Variants in CYSTM1 observed in about 807,000 individuals in gnomAD.
CYSTM1 encodes cysteine rich transmembrane module containing 1, also known as cysteine-rich transmembrane module-containing protein 1.
CYSTM1 carries 4 observed loss-of-function variants against 13.1 expected under a neutral mutation model. That is an observed-to-expected ratio of 0.31 (90% CI 0.15 to 0.70). The LOEUF is 0.70. Ranked by LOEUF, CYSTM1 falls within the 30% of genes least tolerant of loss-of-function variation. CYSTM1 has a pLI of 0.72. For synonymous variants in CYSTM1, 36 were observed against 42.7 expected (o/e 0.84, Z 0.62); for missense variants, 96 against 121.6 (o/e 0.79, Z 0.99).
In CYSTM1 at chr5:140,192,683, G is replaced by C. The variant is rs1190695542; in HGVS notation, c.-20-1763G>C. Among the ~76,000 whole-genome samples, 4 of 152,182 alleles carry C rather than the reference G, an allele frequency of 2.6e-5. No homozygotes were observed. In the East Asian group the frequency reaches 7.7e-4, roughly 29 times the overall value. On this transcript the variant is annotated intron_variant, in intron 1 of 2. Transcript: ENST00000261811. ...AAGGTTCGGTGGGAGTGTGTTAAGA[G>C]AGTCTGAGCTTTTTACTGATTGAAC...
intron 2 of CYSTM1, among the ~76,000 whole-genome samples, chr5:140,203,620 T>C (rs1764256500): frequency 6.6e-6 from 1 of 152,224 alleles, no homozygotes; most frequent in South Asian, 2.1e-4. Context: ...TGCCATAGTA[T>C]CATAACTGTT....
In CYSTM1 at chr5:140,198,258, A is replaced by G. The variant is rs138973561; in HGVS notation, c.187+3606A>G. On this transcript the variant is annotated intron_variant, in intron 2 of 2. Coordinates refer to ENST00000261811, the MANE Select transcript of CYSTM1 (RefSeq NM_032412.4). ...GGTTGTTTCAGTTATCTGTTGTATA[A>G]CATATCACCCCCAACTCACTGGCTT... Among the ~76,000 whole-genome samples, 19 of 152,316 alleles carry G rather than the reference A, an allele frequency of 1.2e-4. No individual in the cohort carries two copies. In the East Asian group the frequency reaches 3.5e-3, roughly 28 times the overall value.
At chr5:140,231,575 T>C (rs1291163561) in intron 2 of CYSTM1, among the ~76,000 whole-genome samples, 7 of 152,188 alleles carry the variant, frequency 4.6e-5, no homozygotes, top group Non-Finnish European at 8.8e-5. Flanking sequence ...CATACTTCCC[T>C]GTGAAGAGAA....
chr5:140,234,341 C>A (rs1398270641), intron 2 of CYSTM1, among the ~76,000 whole-genome samples: 1 of 152,134 alleles, frequency 6.6e-6, no homozygotes, highest in Non-Finnish European at 1.5e-5. Flanking sequence ...AACCGGTTAT[C>A]TTGACTACTG....
chr5:140,208,468 G>C (rs1030050250), intron 2 of CYSTM1, among the ~76,000 whole-genome samples: 7 of 152,192 alleles, frequency 4.6e-5, no homozygotes, highest in Non-Finnish European at 8.8e-5. Flanking sequence ...GGAATAGTTA[G>C]TGGATACAAA....
At chr5:140,206,241 C>A (rs73793721) in intron 2 of CYSTM1, among the ~76,000 whole-genome samples, 4,184 of 151,332 alleles carry the variant, frequency 0.028, 197 homozygotes, top group African/African-American at 0.096. Context: ...CCCTCCCCCA[C>A]CCCATATAAT....
intron 1 of CYSTM1, among the ~76,000 whole-genome samples, chr5:140,187,080 C>T (rs751287242): frequency 1.3e-5 from 2 of 152,124 alleles, no homozygotes; most frequent in East Asian, 1.9e-4. Context: ...GAGCCGAGAT[C>T]GCACCACTGC....
intron 2 of CYSTM1, among the ~76,000 whole-genome samples, chr5:140,234,868 G>A (rs764680039): frequency 3.9e-5 from 6 of 152,158 alleles, no homozygotes; most frequent in African/African-American, 9.6e-5. Flanking sequence ...TCTTTACACC[G>A]TCATCACAGG....
intron 2 of CYSTM1, among the ~76,000 whole-genome samples, chr5:140,205,165 A>G (rs1764284017): frequency 6.6e-6 from 1 of 152,122 alleles, no homozygotes; most frequent in African/African-American, 2.4e-5. Context: ...GTGCATCTTC[A>G]GGGGTACCCT....
chr5:140,196,433 A>G (rs1005898935), intron 2 of CYSTM1, among the ~76,000 whole-genome samples: 1 of 152,246 alleles, frequency 6.6e-6, no homozygotes, highest in Non-Finnish European at 1.5e-5. Flanking sequence ...ATGATTCTCT[A>G]GAATAAGAAT....
chr5:140,222,778 AAGC>A, intron 2 of CYSTM1, among the ~76,000 whole-genome samples: 1 of 152,224 alleles, frequency 6.6e-6, no homozygotes, highest in Admixed American at 6.5e-5. Context: ...CATGTGGAGA[AAGC>A]CTGTACCCTG....
At chr5:140,180,765 T>C (rs114901832) in intron 1 of CYSTM1, among the ~76,000 whole-genome samples, 1,994 of 152,322 alleles carry the variant, frequency 0.013, 28 homozygotes, top group Non-Finnish European at 0.02. Flanking sequence ...AAGCTTGTGG[T>C]ATGACTTTGC....
chr5:140,202,373 A>G (rs888495906), intron 2 of CYSTM1: 3 of 152,250 alleles, frequency 2.0e-5, no homozygotes, highest in African/African-American at 7.2e-5. Flanking sequence ...ATTAGATCCA[A>G]AAGGTCCATT....
At chr5:140,211,005 C>G (rs1764360608) in intron 2 of CYSTM1, among the ~76,000 whole-genome samples, 1 of 152,146 alleles carries the variant, frequency 6.6e-6, no homozygotes, top group African/African-American at 2.4e-5. Flanking sequence ...TCTCTGCAGT[C>G]TGGGGCTAGA....
intron 2 of CYSTM1, among the ~76,000 whole-genome samples, chr5:140,222,017 G>A (rs1045994502): frequency 2.6e-5 from 4 of 152,226 alleles, no homozygotes; most frequent in African/African-American, 9.7e-5. Context: ...GGACTAGGCA[G>A]TGCGCCTTAC....
chr5:140,228,017 C>T (rs1231713466), intron 2 of CYSTM1, among the ~76,000 whole-genome samples: 2 of 152,156 alleles, frequency 1.3e-5, no homozygotes, highest in East Asian at 1.9e-4. Flanking sequence ...TTATTGGTCA[C>T]GTGGAAGAAC....
chr5:140,223,352 T>G (rs767436718), intron 2 of CYSTM1, among the ~76,000 whole-genome samples: 1 of 152,224 alleles, frequency 6.6e-6, no homozygotes, highest in African/African-American at 2.4e-5. Context: ...AATATTTTGT[T>G]GTCAAGGCAT....
chr5:140,242,234 T>C (rs1221118157), intron 2 of CYSTM1, among the ~76,000 whole-genome samples: 1 of 152,110 alleles, frequency 6.6e-6, no homozygotes, highest in Non-Finnish European at 1.5e-5. Flanking sequence ...AAAAGGAACA[T>C]GTCCGTGCAG....
rs1201707861 is a variant in CYSTM1, at chr5:140,243,603, CA to C, written c.*196del. 6 of 489,468 alleles carry C rather than the reference CA, an allele frequency of 1.2e-5. No individual in the cohort carries two copies. The highest frequency in any genetic ancestry group is 6.6e-5 in the South Asian group (2 of 30,406). The allele number at this position is 489,468 out of a possible 1,614,324, so 30.3% of individuals were successfully genotyped here. On this transcript the variant is annotated 3_prime_UTR_variant, in exon 3 of 3. Transcript: ENST00000261811. ...TCAGTGACTTGATCTTTTTAATGTC[CA>C]AAATCCATTTCTTATTGATCTTTAA...
Sources: allele counts gnomAD v4.1 joint callset (sites outside exome capture counted in the v4.1 genomes callset), GRCh38; gene constraint gnomAD v4.1.1; transcripts MANE v1.5; gene names NCBI Gene and HGNC (gene_info 2026-07-23, HGNC 2026-07-21).